The following RAB27A variants were observed in gnomAD, a reference collection of about 807,000 sequenced individuals.
RAB27A encodes RAB27A, member RAS oncogene family, also known as ras-related protein Rab-27A.
RAB27A carries 17 observed loss-of-function variants against 20.8 expected under a neutral mutation model. The ratio of observed to expected loss-of-function variants is 0.82; its 90% CI spans 0.56 to 1.23. The LOEUF is 1.23. Ranked by LOEUF, RAB27A falls within the 50% of genes most tolerant of loss-of-function variation. The pLI, the probability that RAB27A is intolerant of heterozygous loss-of-function variation, is 0.00. For synonymous variants in RAB27A, 85 were observed against 92.8 expected (o/e 0.92, Z 0.48); for missense variants, 277 against 266.7 (o/e 1.04, Z -0.27).
At chr15:55,223,850 GA>G (rs750542361) in intron 6 of RAB27A, 38 bp downstream of exon 6, 1 of 1,607,838 alleles carries the variant, frequency 6.2e-7, no homozygotes, top group Admixed American at 1.7e-5. Context: ...TGTTTATATT[GA>G]AAATGTTTTC....
At chr15:55,298,161 C>A (rs2054957592) in intron 2 of RAB27A, among the ~76,000 whole-genome samples, 1 of 148,820 alleles carries the variant, frequency 6.7e-6, no homozygotes, top group Non-Finnish European at 1.5e-5. Flanking sequence ...GCCAAGATTG[C>A]ACCACTGCAC....
chr15:55,259,164 T>A (rs897519481), intron 2 of RAB27A, among the ~76,000 whole-genome samples: 2 of 151,920 alleles, frequency 1.3e-5, no homozygotes, highest in Admixed American at 6.6e-5. Context: ...CTGGATACTA[T>A]TTATAAGTTA....
Position 55,234,811 on chromosome 15 carries a change from C to G in RAB27A, c.124G>C (p.Val42Leu). Residue 42 changes from valine to leucine, a missense_variant, in exon 3 of 7, where the codon GTG (valine) becomes CTG (leucine). By Grantham distance (32) the Val-to-Leu change is conservative. Coordinates refer to ENST00000336787, the MANE Select transcript of RAB27A (RefSeq NM_183235.3). ...GKFNSKFITT[V>L]GIDFREKRVV... is the part of the protein sequence containing the mutation. ...CTTTTTTCCCTGAAATCAATGCCCA[C>G]TGTTGTGATAAATTTGGAGTTAAAT... 1 of 1,611,936 alleles carries G rather than the reference C, an allele frequency of 6.2e-7. No individual in the cohort carries two copies. The highest frequency in any genetic ancestry group is 1.1e-5 in the South Asian group (1 of 91,042).
At chr15:55,249,376 G>A (rs1896805417) in intron 2 of RAB27A, among the ~76,000 whole-genome samples, 1 of 152,088 alleles carries the variant, frequency 6.6e-6, no homozygotes, top group South Asian at 2.1e-4. Flanking sequence ...CCCAGCTTAA[G>A]CAATCCTCTC....
intron 2 of RAB27A, among the ~76,000 whole-genome samples, chr15:55,252,947 C>G (rs1896946954): frequency 6.6e-6 from 1 of 151,996 alleles, no homozygotes; most frequent in Non-Finnish European, 1.5e-5. Context: ...AGCTGGCCAA[C>G]ATGGTGAAAC....
rs142810797 is a variant in RAB27A, at chr15:55,234,682, T to A, written c.153+100A>T. On this transcript the variant is annotated intron_variant, in intron 3 of 6. Coordinates refer to ENST00000336787, the MANE Select transcript of RAB27A (RefSeq NM_183235.3). ...TTTCATATGTACCTTTAATTTCAGA[T>A]CCCAACCTTTGTCCTCCTAATTCCT... 1.9e-3 allele frequency: 2,561 copies of A among 1,322,110 alleles called. 6 individuals carry two copies. Among genetic ancestry groups the A allele is most frequent in the South Asian group, 5.8e-3 (489 of 84,192 alleles). The allele number at this position is 1,322,110 out of a possible 1,614,324, so 81.9% of individuals were successfully genotyped here.
Position 55,308,186 on chromosome 15 carries a change from C to G in RAB27A, c.-112+5853G>C, listed in dbSNP as rs111277158. On this transcript the variant is annotated intron_variant, in intron 2 of 5. Transcript: ENST00000563262. Reference sequence around the variant, plus strand: ...TCCTCTTGGCGGTTCCCTTCTATTTCCCTTTCCTTTCCTTTCTGATGACCC... The same window carrying G: ...TCCTCTTGGCGGTTCCCTTCTATTTGCCTTTCCTTTCCTTTCTGATGACCC... Among the ~76,000 whole-genome samples, 1,261 of 152,174 alleles carry G rather than the reference C, an allele frequency of 8.3e-3. 17 individuals are homozygous for G. The highest frequency in any genetic ancestry group is 0.029 in the African/African-American group (1,211 of 41,522).
intron 6 of RAB27A, among the ~76,000 whole-genome samples, chr15:55,212,687 G>T (rs1018255995): frequency 6.6e-6 from 1 of 151,838 alleles, no homozygotes; most frequent in Non-Finnish European, 1.5e-5. Context: ...CTGCCACCAC[G>T]CCCGTTTAAT....
intron 2 of RAB27A, among the ~76,000 whole-genome samples, chr15:55,237,671 A>C (rs559261718): frequency 2.0e-4 from 30 of 152,204 alleles, no homozygotes; most frequent in Non-Finnish European, 4.3e-4. Context: ...TAAGAATTGA[A>C]AAGCAAGTCC....
chr15:55,223,763 AC>A (rs1249678370), intron 6 of RAB27A, 125 bp downstream of exon 6: 1 of 1,160,334 alleles, frequency 8.6e-7, no homozygotes, highest in Non-Finnish European at 1.3e-6. Context: ...GACACATTCA[AC>A]ATGCCCCAAG....
chr15:55,311,952 C>T (rs2055022555), intron 2 of RAB27A, among the ~76,000 whole-genome samples: 1 of 152,138 alleles, frequency 6.6e-6, no homozygotes, highest in South Asian at 2.1e-4. Context: ...GCCTCGTGTT[C>T]TCTGACCTGG....
chr15:55,262,641 G>C (rs115152320), intron 2 of RAB27A, among the ~76,000 whole-genome samples: 1 of 142,886 alleles, frequency 7.0e-6, no homozygotes, highest in African/African-American at 2.6e-5. Flanking sequence ...CTTTTTTTTT[G>C]TTTTTTTTTG....
At chr15:55,228,158 A>C (rs1400244931) in intron 5 of RAB27A, among the ~76,000 whole-genome samples, 1 of 152,208 alleles carries the variant, frequency 6.6e-6, no homozygotes. Context: ...CACAGAAAAG[A>C]CATGAAGCCA....
intron 3 of RAB27A, among the ~76,000 whole-genome samples, chr15:55,232,461 C>T (rs1180226710): frequency 6.6e-6 from 1 of 152,140 alleles, no homozygotes; most frequent in African/African-American, 2.4e-5. Context: ...GAAAGTATGG[C>T]TCATGCGCAG....
chr15:55,274,761 C>A (rs1316322075), intron 1 of RAB27A, among the ~76,000 whole-genome samples: 1 of 118,760 alleles, frequency 8.4e-6, no homozygotes, highest in Non-Finnish European at 1.8e-5. Flanking sequence ...CTGGGTGACA[C>A]AGCAAGAATC....
intron 1 of RAB27A, chr15:55,317,598 C>A: frequency 2.5e-6 from 1 of 395,334 alleles, no homozygotes; most frequent in Non-Finnish European, 4.5e-6. Flanking sequence ...CAGGCGTGAG[C>A]CACTGCGCCA....
rs1278140713 is a variant in RAB27A at position 55,203,581 on chromosome 15, A to AT, written c.*1925dup. ...AGGTGCCCACCACCACGCCCAGCCC[A>AT]TTTTTTTTTTTTTTTTTTTTTTAGT... On this transcript the variant is annotated 3_prime_UTR_variant, in exon 7 of 7. Transcript: ENST00000336787. 9.2e-3 allele frequency: 1,185 copies of AT among 128,486 alleles called. 31 individuals carry two copies. In the East Asian group the frequency reaches 0.1, roughly 11 times the overall value. 8.0% of individuals were successfully genotyped at this position (128,486 alleles called of 1,614,324 possible). A position where few individuals can be genotyped will look rare whatever the true frequency, so the allele number is the denominator to read the frequency against.
intron 1 of RAB27A, among the ~76,000 whole-genome samples, chr15:55,279,700 A>G (rs1595744826): frequency 6.6e-6 from 1 of 152,372 alleles, no homozygotes; most frequent in East Asian, 1.9e-4. Context: ...CAGGTGCTCA[A>G]TAAAAGTCCA....
chr15:55,246,270 T>A (rs1896680595), intron 2 of RAB27A, among the ~76,000 whole-genome samples: 1 of 152,090 alleles, frequency 6.6e-6, no homozygotes, highest in South Asian at 2.1e-4. Flanking sequence ...ATTTCTGAAA[T>A]GTTACCATCA....
Sources: gnomAD v4.1 joint callset for allele counts (sites outside exome capture counted in the v4.1 genomes callset) on GRCh38, gnomAD v4.1.1 for gene constraint, MANE v1.5 for transcripts, NCBI Gene and HGNC (gene_info 2026-07-23, HGNC 2026-07-21) for gene names.